Variants in OR51C1 observed in about 807,000 individuals in gnomAD.
OR51C1 encodes olfactory receptor OR51C1.
the OR51C1 span, chr11:4,690,515 T>C: frequency 1.0e-5 from 2 of 195,568 alleles, no homozygotes; most frequent in African/African-American, 4.7e-5. Context: ...GAAGGAGAAA[T>C]TTTATATATA....
the OR51C1 span, among the ~76,000 whole-genome samples, chr11:4,695,265 C>G: frequency 6.6e-6 from 1 of 152,174 alleles, no homozygotes; most frequent in Non-Finnish European, 1.5e-5. Context: ...CATCTCTTCT[C>G]ATTTAATGCC....
At chr11:4,694,151 C>T in the OR51C1 span, among the ~76,000 whole-genome samples, 1 of 152,124 alleles carries the variant, frequency 6.6e-6, no homozygotes, top group African/African-American at 2.4e-5. Flanking sequence ...CTTCATATCT[C>T]CCATTACCTC....
chr11:4,694,122 T>C, the OR51C1 span, among the ~76,000 whole-genome samples: 2 of 152,168 alleles, frequency 1.3e-5, no homozygotes, highest in Admixed American at 1.3e-4. Context: ...TTTGAATAAT[T>C]TCTCTTTCAT....
the OR51C1 span, chr11:4,691,136 G>C: frequency 2.0e-5 from 9 of 456,568 alleles, no homozygotes; most frequent in African/African-American, 6.0e-5. Context: ...CTGTGCATGA[G>C]AGCTTCATCA....
At chr11:4,692,162 C>A in the OR51C1 span, 1 of 452,432 alleles carries the variant, frequency 2.2e-6, no homozygotes, top group South Asian at 1.6e-5. Flanking sequence ...TTACATTGGT[C>A]ATAAGTGTGG....
the OR51C1 span, among the ~76,000 whole-genome samples, chr11:4,693,467 G>A: frequency 0.11 from 17,296 of 152,130 alleles, 1,313 homozygotes; most frequent in Middle Eastern, 0.18. Context: ...CACGCCTGTA[G>A]TCCCAGCACT....
the OR51C1 span, among the ~76,000 whole-genome samples, chr11:4,695,942 A>G: frequency 6.6e-6 from 1 of 152,146 alleles, no homozygotes; most frequent in African/African-American, 2.4e-5. Flanking sequence ...AATAGCACTT[A>G]TATCCAGAAG....
At chr11:4,697,270 T>G in the OR51C1 span, among the ~76,000 whole-genome samples, 1 of 152,208 alleles carries the variant, frequency 6.6e-6, no homozygotes, top group South Asian at 2.1e-4. Context: ...GTGACCCAGT[T>G]TCCTCATCTA....
At chr11:4,691,282 A>G in the OR51C1 span, 6 of 457,082 alleles carry the variant, frequency 1.3e-5, no homozygotes. Flanking sequence ...GCTATTCTGG[A>G]GTCAGTTAAA....
the OR51C1 span, among the ~76,000 whole-genome samples, chr11:4,693,492 T>C: frequency 1.8e-4 from 28 of 152,010 alleles, no homozygotes; most frequent in Non-Finnish European, 2.8e-4. Context: ...GAGGCCGAGG[T>C]GGGCGGATCA....
At chr11:4,693,392 C>A in the OR51C1 span, among the ~76,000 whole-genome samples, 1 of 152,246 alleles carries the variant, frequency 6.6e-6, no homozygotes, top group Admixed American at 6.5e-5. Flanking sequence ...TAAGTTGAGA[C>A]GAAGAATTCC....
chr11:4,690,561 T>A, the OR51C1 span: 6 of 250,032 alleles, frequency 2.4e-5, no homozygotes, highest in Non-Finnish European at 4.7e-5. Context: ...TTCCATCCCA[T>A]GTCTTCACCT....
the OR51C1 span, among the ~76,000 whole-genome samples, chr11:4,692,483 C>T: frequency 6.6e-6 from 1 of 152,200 alleles, no homozygotes; most frequent in Non-Finnish European, 1.5e-5. Flanking sequence ...TTTGTTAAGA[C>T]ATACTTCTTA....
the OR51C1 span, chr11:4,691,061 A>C: frequency 9.4e-5 from 43 of 456,634 alleles, no homozygotes; most frequent in Non-Finnish European, 1.9e-4. Context: ...GGAGGATGAG[A>C]AGTAAGTCTA....
At chr11:4,693,617 A>C in the OR51C1 span, among the ~76,000 whole-genome samples, 1 of 152,086 alleles carries the variant, frequency 6.6e-6, no homozygotes, top group Non-Finnish European at 1.5e-5. Flanking sequence ...GCTACTGGGG[A>C]GGCTGAGGCA....
chr11:4,693,339 C>CT, the OR51C1 span, among the ~76,000 whole-genome samples: 1 of 152,306 alleles, frequency 6.6e-6, no homozygotes, highest in East Asian at 1.9e-4. Context: ...TTGGAGAAGG[C>CT]TTTCTAGAAA....
chr11:4,693,878 TAGAG>T, the OR51C1 span, among the ~76,000 whole-genome samples: 1 of 152,262 alleles, frequency 6.6e-6, no homozygotes, highest in South Asian at 2.1e-4. Flanking sequence ...AAACCCCACT[TAGAG>T]AGTTTATAAT....
the OR51C1 span, among the ~76,000 whole-genome samples, chr11:4,692,561 C>T: frequency 6.6e-6 from 1 of 152,134 alleles, no homozygotes; most frequent in African/African-American, 2.4e-5. Context: ...GCAAACATCA[C>T]ATTTCTTTTT....
At chr11:4,696,911 G>C in the OR51C1 span, among the ~76,000 whole-genome samples, 1 of 151,754 alleles carries the variant, frequency 6.6e-6, no homozygotes, top group African/African-American at 2.4e-5. Context: ...TCAGATTCTT[G>C]CTCAAACACT....
Sources: gnomAD v4.1 joint callset for allele counts (sites outside exome capture counted in the v4.1 genomes callset) on GRCh38, gnomAD v4.1.1 for gene constraint, MANE v1.5 for transcripts, NCBI Gene and HGNC (gene_info 2026-07-23, HGNC 2026-07-21) for gene names.